Variants in MED23 observed in about 807,000 individuals in gnomAD.
MED23 encodes the protein mediator of RNA polymerase II transcription subunit 23.
MED23 carries 105 observed loss-of-function variants against 163.9 expected under a neutral mutation model. The ratio of observed to expected loss-of-function variants is 0.64; its 90% confidence interval spans 0.55 to 0.75. The LOEUF is 0.75. Ranked by LOEUF, MED23 falls within the 30% of genes least tolerant of loss-of-function variation. MED23 has a pLI of 0.00. For missense variants in MED23, 1,054 were observed against 1,649.0 expected (o/e 0.64, Z 6.25); for synonymous variants, 561 against 565.6 (o/e 0.99, Z 0.12).
At chr6:131,628,254 G>A (rs1777669079), upstream of MED23, 6 of 600,654 alleles carry the variant, frequency 1.0e-5, no homozygotes, top group Non-Finnish European at 1.8e-5. Flanking sequence ...GGAAGGGCCC[G>A]GTACGCGCCG....
At position 131,593,247 on chromosome 6, in the gene MED23, A is replaced by C. The variant is rs567597634; in HGVS notation, c.3233-76T>G. 8 of 1,571,320 alleles carry C rather than the reference A, an allele frequency of 5.1e-6. No homozygotes were observed. In the Admixed American group the frequency reaches 1.2e-4, roughly 23 times the overall value. ...TTTATCTGATTATGAGCTGCCAAGAAGTGATTTGTCTACGCTTAGAGAGAT... is the reference window on the plus strand; with the variant it reads ...TTTATCTGATTATGAGCTGCCAAGACGTGATTTGTCTACGCTTAGAGAGAT... On this transcript the variant is annotated intron_variant, in intron 23 of 28. Coordinates refer to ENST00000368068, the MANE Select transcript of MED23 (RefSeq NM_004830.4).
At chr6:131,609,751 T>C (rs1232942038) in intron 11 of MED23, among the ~76,000 whole-genome samples, 1 of 147,170 alleles carries the variant, frequency 6.8e-6, no homozygotes, top group African/African-American at 2.5e-5. Flanking sequence ...TATATGTATA[T>C]ATATATATAT....
chr6:131,579,031 T>G, intron 30 of MED23: 2 of 1,507,936 alleles, frequency 1.3e-6, no homozygotes, highest in Non-Finnish European at 1.8e-6. Context: ...TATGCCTATT[T>G]TATACAATTG....
At chr6:131,577,670 G>A (rs910598748) in intron 30 of MED23, among the ~76,000 whole-genome samples, 1 of 151,976 alleles carries the variant, frequency 6.6e-6, no homozygotes, top group Non-Finnish European at 1.5e-5. Context: ...GGGAAGCCAA[G>A]GTGGGTGGAC....
intron 4 of MED23, among the ~76,000 whole-genome samples, chr6:131,623,678 T>C (rs1777279157): frequency 6.6e-6 from 1 of 152,188 alleles, no homozygotes; most frequent in Middle Eastern, 3.2e-3. Flanking sequence ...CAAGATCTAA[T>C]GGTTTTATAT....
At chr6:131,605,606 G>T in intron 13 of MED23, 121 bp from the exon 14 acceptor site, 1 of 932,078 alleles carries the variant, frequency 1.1e-6, no homozygotes, top group Non-Finnish European at 1.5e-6. Flanking sequence ...GTTCCTATAG[G>T]TATTATAGTT....
intron 14 of MED23, 64 bp from the exon 15 acceptor site, chr6:131,604,384 C>T: frequency 6.6e-7 from 1 of 1,513,868 alleles, no homozygotes; most frequent in Non-Finnish European, 9.1e-7. Context: ...AGGGGCTACT[C>T]TACTTAGAAG....
At position 131,606,636 on chromosome 6, in the gene MED23, C is replaced by T; in HGVS notation, c.1222-12G>A. The stretch of plus-strand genomic sequence containing the variant: ...GGAACTGGGATATACTGAAAAATAA[C>T]AATTTGAAAAATAACACAATAGAAG... On this transcript the variant is annotated splice_polypyrimidine_tract_variant and intron_variant, in intron 12 of 28. Transcript: ENST00000368068. 1.3e-6 allele frequency: 2 copies of T among 1,596,688 alleles called. No homozygotes were observed. Among genetic ancestry groups the T allele is most frequent in the Non-Finnish European group, 1.7e-6 (2 of 1,165,102 alleles).
At chr6:131,614,408 TA>T (rs1562397197) in intron 10 of MED23, among the ~76,000 whole-genome samples, 1 of 152,228 alleles carries the variant, frequency 6.6e-6, no homozygotes, top group African/African-American at 2.4e-5. Context: ...CTATTTTATA[TA>T]ACCTAGACAA....
Position 131,594,274 on chromosome 6 carries a change from G to A in MED23, c.3057C>T (p.Arg1019=), listed in dbSNP as rs763419681. 5.8e-5 allele frequency: 94 copies of A among 1,613,986 alleles called. No homozygotes were observed. The highest frequency in any genetic ancestry group is 1.6e-4 in the Middle Eastern group (1 of 6,084). Residue 1019 remains arginine (R), a synonymous_variant, in exon 23 of 29, where the codon CGC becomes CGT. Transcript: ENST00000368068. Reference sequence around the variant, plus strand: ...GGACGAGTTTTCGTTTGAGAAATGCGCGGTCTCTCAGGTGCATTTCATAAT... The same window carrying A: ...GGACGAGTTTTCGTTTGAGAAATGCACGGTCTCTCAGGTGCATTTCATAAT... ...LHYYEMHLRD[R]AFLKRKLVHA...
At chr6:131,611,716 G>C (rs1447591983) in intron 10 of MED23, among the ~76,000 whole-genome samples, 1 of 152,096 alleles carries the variant, frequency 6.6e-6, no homozygotes. Context: ...GTGAAAAGAA[G>C]TAAAGCCAGG....
At chr6:131,627,765 AC>A in intron 1 of MED23, 93 bp from the exon 2 acceptor site, 1 of 1,231,172 alleles carries the variant, frequency 8.1e-7, no homozygotes, top group South Asian at 1.3e-5. Flanking sequence ...AGGGCAAGTC[AC>A]CTTAATCAGC....
intron 7 of MED23, 127 bp downstream of exon 7, chr6:131,620,501 T>C (rs776629245): frequency 8.7e-5 from 61 of 701,278 alleles, no homozygotes; most frequent in Non-Finnish European, 1.5e-4. Flanking sequence ...AGTCTTGTTA[T>C]GTTACCCAGG....
chr6:131,581,293 C>T (rs1773910941), intron 30 of MED23: 12 of 1,613,910 alleles, frequency 7.4e-6, no homozygotes, highest in Non-Finnish European at 9.3e-6. Context: ...GATGCTCACA[C>T]TGATATCAAC....
At chr6:131,574,022 C>A (rs1273561963) in exon 31 of MED23, 1 of 507,138 alleles carries the variant, frequency 2.0e-6, no homozygotes, top group Admixed American at 3.1e-5. Context: ...TTCCTTACAG[C>A]CACGAGCTGT....
At chr6:131,605,105 TA>T in intron 14 of MED23, 134 bp downstream of exon 14, 2 of 884,874 alleles carry the variant, frequency 2.3e-6, no homozygotes, top group Non-Finnish European at 3.4e-6. Flanking sequence ...ACTTTTGTAA[TA>T]AAATAAAGCT....
intron 22 of MED23, among the ~76,000 whole-genome samples, chr6:131,594,779 C>G (rs992719388): frequency 3.3e-5 from 5 of 151,864 alleles, no homozygotes; most frequent in Non-Finnish European, 7.4e-5. Flanking sequence ...AAAGTTGAAA[C>G]AAACAGGGTA....
At chr6:131,607,176 T>C (rs1585518622) in intron 12 of MED23, among the ~76,000 whole-genome samples, 1 of 151,804 alleles carries the variant, frequency 6.6e-6, no homozygotes, top group East Asian at 2.0e-4. Flanking sequence ...AACAAGAGTA[T>C]TTCTTGATGA....
Position 131,594,083 on chromosome 6 carries a change from A to G in MED23, c.3232+16T>C. 1 of 1,578,560 alleles carries G rather than the reference A, an allele frequency of 6.3e-7. No individual in the cohort carries two copies. Among genetic ancestry groups the G allele is most frequent in the Non-Finnish European group, 8.7e-7 (1 of 1,148,484 alleles). ...CTGTTATTTCTGGGAGTCTAAAATC[A>G]CAATAAAAAGGATATTATCGACTAG... On this transcript the variant is annotated intron_variant, in intron 23 of 28. Transcript: ENST00000368068.
Sources: gnomAD v4.1 joint callset for allele counts (sites outside exome capture counted in the v4.1 genomes callset) on GRCh38, gnomAD v4.1.1 for gene constraint, MANE v1.5 for transcripts, NCBI Gene and HGNC (gene_info 2026-07-23, HGNC 2026-07-21) for gene names.